CEP350: variants seen among roughly 807,000 people sequenced by gnomAD.
The protein encoded by CEP350 is centrosome-associated protein 350.
A neutral mutation model predicts 331.8 loss-of-function variants in CEP350; 126 were observed. The ratio of observed to expected loss-of-function variants is 0.38; its 90% CI spans 0.33 to 0.44. CEP350 has a LOEUF of 0.44. Ranked by LOEUF, CEP350 falls within the 20% of genes least tolerant of loss-of-function variation. The pLI, the probability that CEP350 is intolerant of heterozygous loss-of-function variation, is 1.00. For synonymous variants in CEP350, 1,200 were observed against 1,259.5 expected (o/e 0.95, Z 1.00); for missense variants, 3,406 against 3,634.6 (o/e 0.94, Z 1.62).
intron 6 of CEP350, 42 bp downstream of exon 6, chr1:179,997,217 G>T: frequency 6.4e-7 from 1 of 1,563,464 alleles, no homozygotes; most frequent in Non-Finnish European, 8.6e-7. Context: ...CTGCTTCTTT[G>T]TTCTTCTTTC....
intron 1 of CEP350, among the ~76,000 whole-genome samples, chr1:179,959,736 A>G (rs1286208873): frequency 6.6e-6 from 1 of 152,212 alleles, no homozygotes; most frequent in African/African-American, 2.4e-5. Context: ...CCTAGGTGAC[A>G]GAGGAAGACT....
intron 1 of CEP350, among the ~76,000 whole-genome samples, chr1:179,959,630 T>A (rs1650435864): frequency 6.6e-6 from 1 of 152,038 alleles, no homozygotes; most frequent in Non-Finnish European, 1.5e-5. Flanking sequence ...GGCAGGCTCC[T>A]ATAATCCCAG....
intron 37 of CEP350, among the ~76,000 whole-genome samples, chr1:180,110,767 C>G (rs1037921783): frequency 6.6e-6 from 1 of 152,078 alleles, no homozygotes; most frequent in African/African-American, 2.4e-5. Context: ...ATATGAAATA[C>G]TTGAATATTG....
At chr1:180,084,860 G>A (rs1318154796) in intron 31 of CEP350, among the ~76,000 whole-genome samples, 1 of 151,934 alleles carries the variant, frequency 6.6e-6, no homozygotes, top group Admixed American at 6.6e-5. Context: ...GGGCAACATA[G>A]CAAGACCTCC....
intron 21 of CEP350, among the ~76,000 whole-genome samples, chr1:180,046,652 G>A (rs1490056059): frequency 2.0e-5 from 3 of 152,248 alleles, no homozygotes; most frequent in Admixed American, 6.5e-5. Context: ...TTGAAGAATT[G>A]CAAAACTATT....
intron 10 of CEP350, among the ~76,000 whole-genome samples, chr1:180,015,210 G>GTTTGTTTA (rs1553255193): frequency 2.2e-4 from 31 of 143,568 alleles, no homozygotes; most frequent in African/African-American, 7.6e-4. Flanking sequence ...CTAGGAAATT[G>GTTTGTTTA]TTTATTTATT....
intron 11 of CEP350, among the ~76,000 whole-genome samples, chr1:180,018,769 C>A (rs1257490491): frequency 6.6e-6 from 1 of 151,974 alleles, no homozygotes; most frequent in Non-Finnish European, 1.5e-5. Context: ...CTGTCATCTG[C>A]AAGTTTGATA....
chr1:180,066,361 A>G (rs981644590), intron 27 of CEP350, among the ~76,000 whole-genome samples: 1 of 152,308 alleles, frequency 6.6e-6, no homozygotes, highest in African/African-American at 2.4e-5. Flanking sequence ...TAAATTCGCA[A>G]TTTGAACTAC....
chr1:180,069,151 G>A (rs748026724), intron 27 of CEP350, among the ~76,000 whole-genome samples: 14 of 152,176 alleles, frequency 9.2e-5, no homozygotes, highest in Admixed American at 5.9e-4. Flanking sequence ...ATTGCAGACC[G>A]AGGTAGCATA....
chr1:180,072,565 T>G (rs943194297), intron 27 of CEP350, among the ~76,000 whole-genome samples: 32 of 152,294 alleles, frequency 2.1e-4, no homozygotes, highest in African/African-American at 7.5e-4. Flanking sequence ...TGTAATGTCT[T>G]AACTTGAAAT....
At position 179,997,144 on chromosome 1, in the gene CEP350, G is replaced by A. The variant is rs773921436; in HGVS notation, c.987G>A (p.Val329=). The change falls in exon 6 of 38, where the codon GTG becomes GTA. Residue 329 remains valine (V), a synonymous_variant. Transcript: ENST00000367607. The stretch of plus-strand genomic sequence containing the variant: ...CAGTAACAGCAAAAGTCAGAAAAGT[G>A]GCAACAGCACCACCTGCTCCAGCAT... The part of the protein sequence containing the change: ...DNSVTAKVRK[V]ATAPPAPAYK... The A allele has an allele frequency of 1.9e-6, 3 of 1,613,536 alleles. No homozygotes were observed. Among genetic ancestry groups the A allele is most frequent in the Non-Finnish European group, 1.7e-6 (2 of 1,179,698 alleles).
At chr1:179,963,337 G>A (rs1304632444) in intron 1 of CEP350, among the ~76,000 whole-genome samples, 1 of 151,844 alleles carries the variant, frequency 6.6e-6, no homozygotes, top group Non-Finnish European at 1.5e-5. Flanking sequence ...ATGAATTTTT[G>A]TTTTGTTGCA....
intron 3 of CEP350, 38 bp from the exon 4 acceptor site, chr1:179,990,469 G>T: frequency 2.8e-6 from 3 of 1,072,860 alleles, no homozygotes; most frequent in Non-Finnish European, 4.1e-6. Context: ...ATTATTTACA[G>T]AATTAACTTA....
intron 8 of CEP350, among the ~76,000 whole-genome samples, chr1:180,010,333 T>C (rs752619158): frequency 7.3e-5 from 11 of 151,714 alleles, no homozygotes; most frequent in Non-Finnish European, 1.0e-4. Context: ...TTGTATAAAT[T>C]TCTGTTTGTT....
intron 1 of CEP350, among the ~76,000 whole-genome samples, chr1:179,974,069 G>T: frequency 7.0e-6 from 1 of 142,452 alleles, no homozygotes; most frequent in South Asian, 2.3e-4. Context: ...GTTGTTGCTG[G>T]TGTTTGTTTG....
chr1:180,062,069 C>T, intron 25 of CEP350, 151 bp from the exon 26 acceptor site: 1 of 573,838 alleles, frequency 1.7e-6, no homozygotes, highest in African/African-American at 1.9e-5. Context: ...TTTCCTCCCT[C>T]ACTATTTTTT....
At chr1:180,047,374 G>A (rs1467976042) in intron 21 of CEP350, among the ~76,000 whole-genome samples, 1 of 152,040 alleles carries the variant, frequency 6.6e-6, no homozygotes, top group Non-Finnish European at 1.5e-5. Context: ...TCAAGGGAAG[G>A]GCAAAGATAA....
chr1:180,038,630 C>T (rs1012397257), intron 17 of CEP350, among the ~76,000 whole-genome samples: 1 of 152,160 alleles, frequency 6.6e-6, no homozygotes, highest in African/African-American at 2.4e-5. Context: ...TCTCTTATTA[C>T]TGATGAGACT....
intron 33 of CEP350, among the ~76,000 whole-genome samples, chr1:180,092,105 T>TA (rs1660232056): frequency 6.6e-6 from 1 of 152,218 alleles, no homozygotes; most frequent in African/African-American, 2.4e-5. Flanking sequence ...CTCACTATAT[T>TA]GTACTTTGAT....
Sources: allele counts gnomAD v4.1 joint callset (sites outside exome capture counted in the v4.1 genomes callset), GRCh38; gene constraint gnomAD v4.1.1; transcripts MANE v1.5; gene names NCBI Gene and HGNC (gene_info 2026-07-23, HGNC 2026-07-21).